Variants in RGMB observed in about 807,000 individuals in gnomAD.
The protein encoded by RGMB is repulsive guidance molecule BMP co-receptor b.
In RGMB, 16 loss-of-function variants were observed where a neutral mutation model predicts 26.9. The observed-to-expected ratio is 0.60, with a 90% CI of 0.40 to 0.90. The LOEUF (loss-of-function observed/expected upper bound fraction) is 0.90. Ranked by LOEUF, RGMB falls within the 40% of genes least tolerant of loss-of-function variation. The pLI is 0.00. For synonymous variants in RGMB, 225 were observed against 229.3 expected, an observed-to-expected ratio of 0.98 and a Z score of 0.17; for missense variants, 512 against 573.3, an observed-to-expected ratio of 0.89 and a Z score of 1.09.
rs1746273527 is a variant in RGMB, at chr5:98,773,875, C to T, written c.-196C>T. On this transcript the variant is annotated 5_prime_UTR_variant, in exon 1 of 3. Coordinates refer to ENST00000513185, the MANE Select transcript of RGMB (RefSeq NM_001366508.1). ...CGATGCCCCTGCGCCCCGCTGCTGC[C>T]GCCGCGGACTGGCTGCGCCGGCTGC... The T allele has an allele frequency of 1.6e-5, 8 of 506,278 alleles. No individual in the cohort carries two copies. The highest frequency in any genetic ancestry group is 4.4e-5 in the Admixed American group (1 of 22,906). 31.4% of individuals were successfully genotyped at this position (506,278 alleles called of 1,614,324 possible).
At chr5:98,779,321 G>A (rs1258974377) in intron 1 of RGMB, among the ~76,000 whole-genome samples, 4 of 152,132 alleles carry the variant, frequency 2.6e-5, no homozygotes, top group Admixed American at 6.5e-5. Flanking sequence ...TGTGATCACT[G>A]GACTAGACTC....
At chr5:98,770,421 C>T, upstream of RGMB, 4 of 405,524 alleles carry the variant, frequency 9.9e-6, no homozygotes, top group Non-Finnish European at 1.8e-5. Flanking sequence ...TGGCAAGCGG[C>T]TCCCAAATGC....
rs1747046569 is a variant in RGMB at position 98,794,300 on chromosome 5, C to A, written c.*547C>A. 3 of 152,348 alleles carry A rather than the reference C, an allele frequency of 2.0e-5. No individual in the cohort carries two copies. Among genetic ancestry groups the A allele is most frequent in the African/African-American group, 7.2e-5 (3 of 41,546 alleles). 9.4% of individuals were successfully genotyped at this position (152,348 alleles called of 1,614,324 possible). On this transcript the variant is annotated 3_prime_UTR_variant, in exon 3 of 3. Transcript: ENST00000513185. ...GGTCGTTAACTCTCCCTTACAGGTG[C>A]TTTGACTCTTAAACGCTGATCTTAA...
At chr5:98,790,844 G>A (rs774575523) in intron 2 of RGMB, among the ~76,000 whole-genome samples, 8 of 152,200 alleles carry the variant, frequency 5.3e-5, no homozygotes, top group Non-Finnish European at 8.8e-5. Flanking sequence ...TTGAGTAGAT[G>A]TTACAGGTGA....
chr5:98,780,262 T>C (rs1469394752), intron 2 of RGMB, 174 bp downstream of exon 2: 7 of 589,928 alleles, frequency 1.2e-5, no homozygotes, highest in South Asian at 2.8e-5. Context: ...GAATTTCTTA[T>C]TGGAATGTAA....
At chr5:98,770,717 C>G, upstream of RGMB, 1 of 1,271,680 alleles carries the variant, frequency 7.9e-7, no homozygotes, top group African/African-American at 1.6e-5. Context: ...GCTTGGCCCT[C>G]TTCCAAGTTG....
Position 98,793,567 on chromosome 5 carries a change from G to A in RGMB, c.1128G>A (p.Leu376=), listed in dbSNP as rs761690541. The A allele has an allele frequency of 1.9e-6, 3 of 1,613,962 alleles. No homozygotes were observed. Among genetic ancestry groups the A allele is most frequent in the Non-Finnish European group, 1.7e-6 (2 of 1,179,888 alleles). The change falls in exon 3 of 3, where the codon CTG becomes CTA. Residue 376 remains leucine (L), a synonymous_variant. Coordinates refer to ENST00000513185, the MANE Select transcript of RGMB (RefSeq NM_001366508.1). ...DIYFQSCVFD[L]LTTGDANFTA... ...ATTTCCAGTCCTGTGTCTTCGACCT[G>A]CTCACCACTGGTGATGCCAACTTTA... is the stretch of plus-strand genomic sequence containing the variant.
chr5:98,792,027 A>C (rs1746945582), intron 2 of RGMB, among the ~76,000 whole-genome samples: 1 of 152,196 alleles, frequency 6.6e-6, no homozygotes, highest in Non-Finnish European at 1.5e-5. Flanking sequence ...GCTGTTTGGG[A>C]AAACATTTGC....
In RGMB at chr5:98,783,399, C is replaced by G. The variant is rs140401565; in HGVS notation, c.645+3311C>G. On this transcript the variant is annotated intron_variant, in intron 2 of 2. Transcript: ENST00000513185. The stretch of plus-strand genomic sequence containing the variant: ...CAGAATGAGATGAGAGGGACAGGCT[C>G]TGAACTGGCAGAGTTAGCTACACTG... 1.1e-4 allele frequency among the ~76,000 whole-genome samples: 16 copies of G among 152,302 alleles called. No individual in the cohort carries two copies. The East Asian group carries it at 3.1e-3, about 29-fold the overall frequency.
chr5:98,792,771 T>TAAAAA (rs5869833), intron 2 of RGMB: 10 of 121,982 alleles, frequency 8.2e-5, no homozygotes, highest in South Asian at 7.6e-4. Flanking sequence ...CCCTGTCACT[T>TAAAAA]AAAAAAAAAA....
chr5:98,789,616 C>T (rs1746864584), intron 2 of RGMB, among the ~76,000 whole-genome samples: 2 of 151,990 alleles, frequency 1.3e-5, no homozygotes, highest in Admixed American at 1.3e-4. Flanking sequence ...TCCTAATAAA[C>T]CTTGTGGGTG....
chr5:98,792,018 C>T (rs1275451133), intron 2 of RGMB, among the ~76,000 whole-genome samples: 2 of 152,198 alleles, frequency 1.3e-5, no homozygotes, highest in African/African-American at 4.8e-5. Context: ...GACTCTGGTG[C>T]TGTTTGGGAA....
chr5:98,791,267 C>T (rs1415841033), intron 2 of RGMB, among the ~76,000 whole-genome samples: 1 of 152,180 alleles, frequency 6.6e-6, no homozygotes, highest in African/African-American at 2.4e-5. Flanking sequence ...CTTTTAGTTG[C>T]AGCTGCACAC....
At position 98,775,324 on chromosome 5, in the gene RGMB, C is replaced by T. The variant is rs116670413; in HGVS notation, c.136+1118C>T. ...ACTTAATTTACTTTGCGTAGCTTTG[C>T]ATTATGATGTAATAGCTGCTTTTTA... On this transcript the variant is annotated intron_variant, in intron 1 of 2. Transcript: ENST00000513185. Among the ~76,000 whole-genome samples the T allele has an allele frequency of 2.2e-3, 336 of 152,230 alleles. 2 individuals carry two copies. The highest frequency in any genetic ancestry group is 7.7e-3 in the African/African-American group (321 of 41,534).
At position 98,793,911 on chromosome 5, in the gene RGMB, T is replaced by G. The variant is rs770695817; in HGVS notation, c.*158T>G. ...CCCACCAGATTGTACATACTGTGTT[T>G]GGCTGTTTTCACATATGTTGGATGT... On this transcript the variant is annotated 3_prime_UTR_variant, in exon 3 of 3. Transcript: ENST00000513185. 1.7e-6 allele frequency: 1 copy of G among 604,256 alleles called. No individual in the cohort carries two copies. Among genetic ancestry groups the G allele is most frequent in the Non-Finnish European group, 2.8e-6 (1 of 359,738 alleles). 37.4% of individuals were successfully genotyped at this position (604,256 alleles called of 1,614,324 possible). A position where few individuals can be genotyped will look rare whatever the true frequency, so the allele number is the denominator to read the frequency against.
upstream of RGMB, chr5:98,771,609 TA>T (rs1746166451): frequency 1.3e-5 from 2 of 152,224 alleles, no homozygotes. Flanking sequence ...GTTAGGCTTA[TA>T]AATCTCGAGC....
intron 1 of RGMB, among the ~76,000 whole-genome samples, chr5:98,777,751 T>C (rs1561438442): frequency 6.6e-6 from 1 of 152,246 alleles, no homozygotes; most frequent in Non-Finnish European, 1.5e-5. Flanking sequence ...CAGTAAATAC[T>C]GGAGCTACTT....
intron 1 of RGMB, among the ~76,000 whole-genome samples, chr5:98,775,818 T>C (rs1746381799): frequency 6.6e-6 from 1 of 152,232 alleles, no homozygotes; most frequent in Admixed American, 6.5e-5. Flanking sequence ...CCCAACAATG[T>C]GGTAAGCGAT....
intron 1 of RGMB, among the ~76,000 whole-genome samples, 174 bp from the exon 2 acceptor site, chr5:98,779,406 A>C (rs1746515254): frequency 6.6e-6 from 1 of 152,238 alleles, no homozygotes. Context: ...CCAGTGGCTT[A>C]GTTTGAGAAA....
Sources: allele counts gnomAD v4.1 joint callset (sites outside exome capture counted in the v4.1 genomes callset), GRCh38; gene constraint gnomAD v4.1.1; transcripts MANE v1.5; gene names NCBI Gene and HGNC (gene_info 2026-07-23, HGNC 2026-07-21).